Variants in DNAJC5B observed in about 807,000 individuals in gnomAD.
The protein encoded by DNAJC5B is dnaJ homolog subfamily C member 5B.
Under a neutral mutation model 24.7 loss-of-function variants are expected in DNAJC5B, and 23 were observed. That is an observed-to-expected ratio of 0.93 (90% CI 0.67 to 1.32). DNAJC5B has a LOEUF of 1.32. Among genes scored for constraint, DNAJC5B ranks in the 40% most tolerant of loss-of-function variants. The pLI is 0.00. For missense variants in DNAJC5B, 238 were observed against 240.8 expected, an observed-to-expected ratio of 0.99 and a Z score of 0.08; for synonymous variants, 101 against 90.1, an observed-to-expected ratio of 1.12 and a Z score of -0.68.
At chr8:66,093,488 A>C (rs1205608019) in intron 5 of DNAJC5B, among the ~76,000 whole-genome samples, 1 of 152,210 alleles carries the variant, frequency 6.6e-6, no homozygotes, top group African/African-American at 2.4e-5. Flanking sequence ...CCTTGATTAA[A>C]GTTGAACATC....
intron 3 of DNAJC5B, 94 bp from the exon 4 acceptor site, chr8:66,076,566 T>A: frequency 1.5e-6 from 2 of 1,321,094 alleles, no homozygotes; most frequent in Non-Finnish European, 2.1e-6. Flanking sequence ...TTTGCGCTAA[T>A]AAAGAATATA....
upstream of DNAJC5B, among the ~76,000 whole-genome samples, chr8:66,016,964 A>G (rs1454107390): frequency 6.6e-6 from 1 of 152,162 alleles, no homozygotes; most frequent in Non-Finnish European, 1.5e-5. Context: ...ATGGAATCAC[A>G]CAAATGTATC....
In DNAJC5B at chr8:66,081,858, C is replaced by T. The variant is rs1403599298; in HGVS notation, c.505+1310C>T. On this transcript the variant is annotated intron_variant, in intron 5 of 5. Coordinates refer to ENST00000276570, the MANE Select transcript of DNAJC5B (RefSeq NM_033105.6). ...CTGACCTTGAAGCCAAATTGTGGGC[C>T]CATGGTGAAACAGAATTATAACTTT... Among the ~76,000 whole-genome samples, 8 of 151,970 alleles carry T rather than the reference C, an allele frequency of 5.3e-5. 1 individual carries two copies. Among genetic ancestry groups the T allele is most frequent in the Non-Finnish European group, 1.5e-5 (1 of 68,018 alleles).
intron 3 of DNAJC5B, chr8:66,056,436 C>A (rs1301520641): frequency 6.6e-6 from 1 of 152,232 alleles, no homozygotes; most frequent in Non-Finnish European, 1.5e-5. Flanking sequence ...ACCACAAGCA[C>A]CCAGCCCAGG....
chr8:66,034,168 T>C, intron 1 of DNAJC5B, among the ~76,000 whole-genome samples: 1 of 115,674 alleles, frequency 8.6e-6, no homozygotes, highest in South Asian at 2.9e-4. Flanking sequence ...CTCTCTATTG[T>C]TGTTGTTTTG....
At chr8:66,065,204 A>G (rs1241789606) in intron 3 of DNAJC5B, among the ~76,000 whole-genome samples, 2 of 152,252 alleles carry the variant, frequency 1.3e-5, no homozygotes, top group African/African-American at 4.8e-5. Flanking sequence ...TCGTGTTGTT[A>G]TCTCATGCCA....
intron 2 of DNAJC5B, among the ~76,000 whole-genome samples, chr8:66,045,128 G>A (rs1806696417): frequency 6.6e-6 from 1 of 152,192 alleles, no homozygotes; most frequent in African/African-American, 2.4e-5. Context: ...AAAAAGTAGT[G>A]TGTTGTTGCT....
intron 1 of DNAJC5B, among the ~76,000 whole-genome samples, chr8:66,042,570 ATTTG>A (rs1806632735): frequency 1.3e-5 from 2 of 151,722 alleles, no homozygotes; most frequent in South Asian, 2.1e-4. Context: ...TTCATTCTAA[ATTTG>A]TTTGTGTTTC....
intron 1 of DNAJC5B, among the ~76,000 whole-genome samples, chr8:66,043,135 G>T (rs909939677): frequency 6.6e-6 from 1 of 152,154 alleles, no homozygotes; most frequent in African/African-American, 2.4e-5. Flanking sequence ...TAAATATGCA[G>T]ATTTGAAAAT....
intron 1 of DNAJC5B, among the ~76,000 whole-genome samples, chr8:66,034,875 C>T (rs781765860): frequency 2.6e-5 from 4 of 152,058 alleles, no homozygotes; most frequent in Admixed American, 1.3e-4. Context: ...TCTGCCTGGA[C>T]GCATGCTCAG....
intron 5 of DNAJC5B, among the ~76,000 whole-genome samples, chr8:66,095,834 T>C (rs1807941510): frequency 6.6e-6 from 1 of 152,118 alleles, no homozygotes; most frequent in African/African-American, 2.4e-5. Flanking sequence ...GTTGTTTGTA[T>C]CTAACTTGAC....
upstream of DNAJC5B, among the ~76,000 whole-genome samples, chr8:66,019,905 C>A (rs1563579588): frequency 2.6e-5 from 4 of 152,282 alleles, no homozygotes; most frequent in South Asian, 8.3e-4. Context: ...GAAGAAAGGG[C>A]AATAATTATA....
At chr8:66,070,975 G>C (rs1189395748) in intron 3 of DNAJC5B, among the ~76,000 whole-genome samples, 2 of 152,106 alleles carry the variant, frequency 1.3e-5, no homozygotes, top group Non-Finnish European at 2.9e-5. Context: ...TTAATAAATC[G>C]TGTTGGGAAA....
intron 3 of DNAJC5B, chr8:66,057,852 A>C (rs960563665): frequency 1.3e-5 from 2 of 152,258 alleles, no homozygotes; most frequent in Non-Finnish European, 2.9e-5. Context: ...GAATGGGGAA[A>C]TACGTTCTCA....
intron 5 of DNAJC5B, among the ~76,000 whole-genome samples, chr8:66,095,899 A>G (rs1563614526): frequency 6.6e-6 from 1 of 152,174 alleles, no homozygotes; most frequent in African/African-American, 2.4e-5. Context: ...GAAATGTCTT[A>G]GGACTTGCTG....
chr8:66,084,663 A>G (rs1165591637), intron 5 of DNAJC5B, among the ~76,000 whole-genome samples: 1 of 152,186 alleles, frequency 6.6e-6, no homozygotes, highest in Non-Finnish European at 1.5e-5. Context: ...AGAGTCTAAC[A>G]TAACTCTACA....
chr8:66,017,359 A>G (rs920448243), upstream of DNAJC5B, among the ~76,000 whole-genome samples: 3 of 152,194 alleles, frequency 2.0e-5, no homozygotes, highest in Non-Finnish European at 4.4e-5. Context: ...TGGGGTATAT[A>G]GTACTACCTT....
chr8:66,052,087 C>T (rs554383646), intron 3 of DNAJC5B, among the ~76,000 whole-genome samples: 2 of 151,854 alleles, frequency 1.3e-5, no homozygotes, highest in African/African-American at 4.8e-5. Context: ...CCTCAGCCTC[C>T]TGAGTAGCTG....
intron 5 of DNAJC5B, among the ~76,000 whole-genome samples, chr8:66,094,377 A>G (rs1807907194): frequency 6.6e-6 from 1 of 151,992 alleles, no homozygotes; most frequent in Non-Finnish European, 1.5e-5. Context: ...TATTACATTT[A>G]TTTTTGAATA....
Sources: allele counts gnomAD v4.1 joint callset (sites outside exome capture counted in the v4.1 genomes callset), GRCh38; gene constraint gnomAD v4.1.1; transcripts MANE v1.5; gene names NCBI Gene and HGNC (gene_info 2026-07-23, HGNC 2026-07-21).